The following SRRM3 variants were observed in gnomAD, a reference collection of about 807,000 sequenced individuals.
The protein encoded by SRRM3 is serine/arginine repetitive matrix protein 3.
SRRM3 carries 27 observed loss-of-function variants against 66.2 expected under a neutral mutation model. The ratio of observed to expected loss-of-function variants is 0.41; its 90% CI spans 0.30 to 0.56. SRRM3 has a LOEUF of 0.56. SRRM3 is among the 20% of genes least tolerant of loss of function. The pLI is 0.32. For synonymous variants in SRRM3, 391 were observed against 414.9 expected, an observed-to-expected ratio of 0.94 and a Z score of 0.70; for missense variants, 918 against 991.9, an observed-to-expected ratio of 0.93 and a Z score of 1.00.
rs2117133976 is a variant in SRRM3, at chr7:76,286,997, G to C, written c.*1154G>C. Reference sequence around the variant, plus strand: ...CAGCCGAGCCTCTGTAGAGATGGAGGCTACAGCCCTCAGAAGGGAGGGGAG... The same window carrying C: ...CAGCCGAGCCTCTGTAGAGATGGAGCCTACAGCCCTCAGAAGGGAGGGGAG... On this transcript the variant is annotated 3_prime_UTR_variant, in exon 15 of 15. Coordinates refer to ENST00000611745, the MANE Select transcript of SRRM3 (RefSeq NM_001110199.3). The C allele has an allele frequency of 6.5e-6, 1 of 152,906 alleles. No homozygotes were observed. The highest frequency in any genetic ancestry group is 1.9e-4 in the East Asian group (1 of 5,176). The allele number at this position is 152,906 out of a possible 1,614,324, so 9.5% of individuals were successfully genotyped here. A position where few individuals can be genotyped will look rare whatever the true frequency, so the allele number is the denominator to read the frequency against.
At chr7:76,230,901 C>T (rs1800998596) in intron 1 of SRRM3, among the ~76,000 whole-genome samples, 1 of 151,924 alleles carries the variant, frequency 6.6e-6, no homozygotes, top group Non-Finnish European at 1.5e-5. Context: ...CAGGCGCCCA[C>T]CATCATGCCT....
chr7:76,251,625 TG>T (rs781879531), intron 3 of SRRM3, among the ~76,000 whole-genome samples: 22 of 151,526 alleles, frequency 1.5e-4, no homozygotes, highest in Non-Finnish European at 2.1e-4. Flanking sequence ...CCGCCTGCCT[TG>T]GCCTCCCAAA....
intron 1 of SRRM3, among the ~76,000 whole-genome samples, chr7:76,229,741 C>CT (rs869140956): frequency 0.021 from 2,758 of 133,050 alleles, 35 homozygotes; most frequent in Middle Eastern, 0.036. Context: ...TCTTCTTCTT[C>CT]TTTTTTTTTT....
chr7:76,227,346 T>A (rs1800899597), intron 1 of SRRM3, among the ~76,000 whole-genome samples: 1 of 152,138 alleles, frequency 6.6e-6, no homozygotes, highest in Non-Finnish European at 1.5e-5. Context: ...TGCAAACCCC[T>A]CACCCTCAAG....
chr7:76,256,092 A>G (rs1032420670), intron 3 of SRRM3, among the ~76,000 whole-genome samples: 4 of 152,202 alleles, frequency 2.6e-5, no homozygotes, highest in African/African-American at 9.6e-5. Context: ...AATCTGTTAC[A>G]GGAAAGGGAT....
At position 76,285,645 on chromosome 7, in the gene SRRM3, G is replaced by C. The variant is rs1554612659; in HGVS notation, c.1764G>C (p.Arg588=). The change falls in exon 15 of 15, where the codon CGG becomes CGC. Residue 588 remains arginine (R), a synonymous_variant. Coordinates refer to ENST00000611745, the MANE Select transcript of SRRM3 (RefSeq NM_001110199.3). The surrounding 1 kb of genome is among the most constrained non-coding windows in gnomAD (Gnocchi z 4.1). ...SARKRPIPYY[R]PSPSSSSSCL... is the part of the protein sequence containing the mutation. ...GCAAGCGTCCTATTCCATACTACCG[G>C]CCCAGCCCCTCTTCCTCCTCCAGCT... 1 of 1,550,908 alleles carries C rather than the reference G, an allele frequency of 6.4e-7. No homozygotes were observed. The highest frequency in any genetic ancestry group is 2.0e-5 in the Admixed American group (1 of 51,002).
At position 76,285,938 on chromosome 7, in the gene SRRM3, C is replaced by T. The variant is rs1802658911; in HGVS notation, c.*95C>T. On this transcript the variant is annotated 3_prime_UTR_variant, in exon 15 of 15. Coordinates refer to ENST00000611745, the MANE Select transcript of SRRM3 (RefSeq NM_001110199.3). The surrounding 1 kb of genome is among the most constrained non-coding windows in gnomAD (Gnocchi z 4.1). ...TGGGGAGGGGGCTATATCTCCTTGCCCCCAAGGCTACAAAGAGGTCTCAGG... is the reference window on the plus strand; with the variant it reads ...TGGGGAGGGGGCTATATCTCCTTGCTCCCAAGGCTACAAAGAGGTCTCAGG... The T allele has an allele frequency of 7.5e-7, 1 of 1,336,072 alleles. No homozygotes were observed. The highest frequency in any genetic ancestry group is 2.6e-5 in the Admixed American group (1 of 37,824). The allele number at this position is 1,336,072 out of a possible 1,614,324, so 82.8% of individuals were successfully genotyped here.
At chr7:76,262,594 G>C (rs562589933) in intron 8 of SRRM3, among the ~76,000 whole-genome samples, 1 of 151,974 alleles carries the variant, frequency 6.6e-6, no homozygotes, top group South Asian at 2.1e-4. Flanking sequence ...GGCCGAGGTG[G>C]CTGGATCATT....
chr7:76,281,180 TCCTCTCTC>T (rs1256982573), intron 11 of SRRM3, among the ~76,000 whole-genome samples: 2 of 150,176 alleles, frequency 1.3e-5, no homozygotes, highest in East Asian at 4.0e-4. Context: ...TCTCTGTCTT[TCCTCTCTC>T]CCTCTCTCCT....
chr7:76,280,841 C>T (rs1168716699), intron 11 of SRRM3, among the ~76,000 whole-genome samples: 1 of 150,078 alleles, frequency 6.7e-6, no homozygotes, highest in Non-Finnish European at 1.5e-5. Context: ...CTCTTGTCCC[C>T]TGCCTGTCTG....
intron 11 of SRRM3, among the ~76,000 whole-genome samples, chr7:76,277,762 AAAG>A (rs1230037049): frequency 1.1e-4 from 16 of 151,680 alleles, no homozygotes; most frequent in Admixed American, 1.0e-3. Flanking sequence ...AAGAAAAGAA[AAAG>A]AAGAAGTAGC....
intron 14 of SRRM3, 104 bp downstream of exon 14, chr7:76,283,205 C>T (rs531555635): frequency 5.2e-5 from 65 of 1,240,180 alleles, no homozygotes; most frequent in Non-Finnish European, 6.6e-5. Context: ...ATCCACTGAA[C>T]CTGGCACGGG....
intron 2 of SRRM3, among the ~76,000 whole-genome samples, chr7:76,236,812 A>G (rs1188500800): frequency 1.3e-5 from 2 of 152,186 alleles, no homozygotes; most frequent in African/African-American, 4.8e-5. Context: ...GATGCTGAGG[A>G]CACACACAAA....
intron 11 of SRRM3, among the ~76,000 whole-genome samples, chr7:76,279,663 A>C (rs577588412): frequency 1.3e-5 from 2 of 152,116 alleles, no homozygotes; most frequent in African/African-American, 4.8e-5. Context: ...CATTTTGTGG[A>C]TGGAGAAACT....
chr7:76,266,228 A>ATAT (rs1802029539), intron 10 of SRRM3, among the ~76,000 whole-genome samples: 1 of 84,002 alleles, frequency 1.2e-5, no homozygotes, highest in Non-Finnish European at 2.0e-5. Flanking sequence ...ATATTTATAT[A>ATAT]TTTAATATAT....
chr7:76,265,258 A>G (rs1801979358), intron 9 of SRRM3, 106 bp from the exon 10 acceptor site: 1 of 707,908 alleles, frequency 1.4e-6, no homozygotes, highest in Non-Finnish European at 2.3e-6. Flanking sequence ...ACTGGCTTTC[A>G]GTAGGGTTCC....
At chr7:76,251,189 T>A (rs1801572550) in intron 3 of SRRM3, among the ~76,000 whole-genome samples, 1 of 152,242 alleles carries the variant, frequency 6.6e-6, no homozygotes, top group Non-Finnish European at 1.5e-5. Context: ...CACTTCCACA[T>A]GCTCTTTGTC....
chr7:76,261,632 G>C (rs529011396), intron 8 of SRRM3, 51 bp downstream of exon 8: 1 of 1,582,554 alleles, frequency 6.3e-7, no homozygotes, highest in South Asian at 1.2e-5. Flanking sequence ...AAGGACCAAA[G>C]CCCAAAGGAC....
chr7:76,284,458 G>C (rs764830044), intron 14 of SRRM3, among the ~76,000 whole-genome samples: 1 of 152,130 alleles, frequency 6.6e-6, no homozygotes, highest in Admixed American at 6.5e-5. Context: ...GATTATAGGC[G>C]TGAGCCCCCG....
Sources: gnomAD v4.1 joint callset for allele counts (sites outside exome capture counted in the v4.1 genomes callset) on GRCh38, gnomAD v4.1.1 for gene constraint, Gnocchi (gnomAD v3.1) non-coding constraint, MANE v1.5 for transcripts, NCBI Gene and HGNC (gene_info 2026-07-23, HGNC 2026-07-21) for gene names.